FOCAD: variants seen among roughly 807,000 people sequenced by gnomAD.
The protein encoded by FOCAD is focadhesin.
Under a neutral mutation model 225.6 loss-of-function variants are expected in FOCAD, and 198 were observed. That is an observed-to-expected ratio of 0.88 (90% CI 0.78 to 0.99). The LOEUF (loss-of-function observed/expected upper bound fraction) is 0.99. Ranked by LOEUF, FOCAD falls within the 50% of genes least tolerant of loss-of-function variation. The pLI is 0.00. For synonymous variants in FOCAD, 897 were observed against 755.0 expected, an observed-to-expected ratio of 1.19 and a Z score of -3.08; for missense variants, 2,713 against 2,123.6, an observed-to-expected ratio of 1.28 and a Z score of -5.46.
At chr9:20,944,097 A>T (rs1157633756) in intron 28 of FOCAD, among the ~76,000 whole-genome samples, 2 of 152,252 alleles carry the variant, frequency 1.3e-5, no homozygotes, top group African/African-American at 2.4e-5. Flanking sequence ...TTTAGGAAAG[A>T]AATTCCACTT....
chr9:20,979,132 G>A (rs1046453373), intron 37 of FOCAD, among the ~76,000 whole-genome samples: 1 of 152,174 alleles, frequency 6.6e-6, no homozygotes, highest in Admixed American at 6.5e-5. Context: ...TTTTGATTAG[G>A]TTTCAAACTA....
chr9:20,819,714 G>A, intron 11 of FOCAD, 82 bp from the exon 12 acceptor site: 1 of 646,404 alleles, frequency 1.5e-6, no homozygotes, highest in Non-Finnish European at 2.4e-6. Context: ...TTATTCCTCT[G>A]GAAAAAAAGA....
intron 4 of FOCAD, among the ~76,000 whole-genome samples, chr9:20,732,051 C>G (rs749961776): frequency 1.2e-4 from 18 of 152,264 alleles, no homozygotes; most frequent in Non-Finnish European, 1.0e-4. Context: ...ATCAACCCAT[C>G]ACCTAGGTAT....
rs747145835 is a variant in FOCAD, at chr9:20,764,958, G to C, written c.584G>C (p.Arg195Pro). Residue 195 changes from arginine (R) to proline (P), a missense_variant, in exon 7 of 44, where the codon CGA (arginine) becomes CCA (proline). Transcript: ENST00000338382. The part of the protein sequence containing the change: ...PSQLQEYAKL[R>P]LALLKVLLQP... ...CAGTTACAAGAATATGCTAAACTCC[G>C]ACTAGCCCTGCTGAAAGTCTTACTT... is the stretch of plus-strand genomic sequence containing the variant. 1.2e-6 allele frequency: 2 copies of C among 1,613,990 alleles called. No individual in the cohort carries two copies. The highest frequency in any genetic ancestry group is 8.5e-7 in the Non-Finnish European group (1 of 1,179,984).
chr9:20,840,612 C>G (rs1277132715), intron 15 of FOCAD, among the ~76,000 whole-genome samples: 1 of 139,962 alleles, frequency 7.1e-6, no homozygotes, highest in African/African-American at 2.6e-5. Context: ...TTTTTTAATT[C>G]TTTAACTTTC....
chr9:20,870,633 C>T lies in FOCAD; in HGVS notation c.2190+3621C>T, dbSNP rs144079359. On this transcript the variant is annotated intron_variant, in intron 18 of 43. Transcript: ENST00000338382. ...ACTCTCTTGTGATGCTAGGCAACAG[C>T]ATCAGATCGCAGCTCCCAATCACAC... Among the ~76,000 whole-genome samples the T allele has an allele frequency of 1.8e-3, 267 of 152,304 alleles. 1 individual carries two copies. The highest frequency in any genetic ancestry group is 0.017 in the Middle Eastern group (5 of 294).
intron 25 of FOCAD, among the ~76,000 whole-genome samples, chr9:20,925,022 A>G (rs1834809474): frequency 6.6e-6 from 1 of 152,216 alleles, no homozygotes; most frequent in African/African-American, 2.4e-5. Flanking sequence ...TGTTACTACC[A>G]GTAAACAGAG....
At chr9:20,929,718 A>G in intron 27 of FOCAD, 122 bp downstream of exon 27, 1 of 726,480 alleles carries the variant, frequency 1.4e-6, no homozygotes, top group Admixed American at 2.6e-5. Context: ...AAACTTTCTG[A>G]GATGGGCAAG....
rs149844447 is a variant in FOCAD, at chr9:20,883,608, C to G, written c.2504-1501C>G. ...ATAACAAAAATGATTACCATGATAT[C>G]TCCAGTTGGCTGAAAATTGAACAGT... On this transcript the variant is annotated intron_variant, in intron 20 of 43. Transcript: ENST00000338382. 3.4e-3 allele frequency among the ~76,000 whole-genome samples: 511 copies of G among 152,278 alleles called. 2 individuals are homozygous for G. Among genetic ancestry groups the G allele is most frequent in the African/African-American group, 9.4e-3 (391 of 41,552 alleles).
chr9:20,861,640 T>C (rs374528746), intron 15 of FOCAD, among the ~76,000 whole-genome samples: 2 of 152,242 alleles, frequency 1.3e-5, no homozygotes, highest in African/African-American at 4.8e-5. Context: ...TCATTTATCT[T>C]TGACATTTTT....
At chr9:20,868,401 T>C (rs957693151) in intron 18 of FOCAD, among the ~76,000 whole-genome samples, 3 of 152,140 alleles carry the variant, frequency 2.0e-5, no homozygotes, top group Non-Finnish European at 4.4e-5. Context: ...ATTTAGTCTC[T>C]ACTTTTTAAA....
chr9:20,685,230 A>G (rs1248479904), intron 1 of FOCAD, among the ~76,000 whole-genome samples: 2 of 141,278 alleles, frequency 1.4e-5, no homozygotes, highest in African/African-American at 5.5e-5. Context: ...AGGTTCTAGT[A>G]TCCCTGAAAC....
chr9:20,928,310 A>G (rs7035207), intron 26 of FOCAD, among the ~76,000 whole-genome samples: 144,949 of 152,272 alleles, frequency 0.95, 69,396 homozygotes, highest in East Asian at 1. Context: ...TACCAGCTGG[A>G]TCATTTTGAG....
intron 2 of FOCAD, among the ~76,000 whole-genome samples, chr9:20,672,169 A>G (rs1241053388): frequency 6.6e-6 from 1 of 152,196 alleles, no homozygotes; most frequent in Non-Finnish European, 1.5e-5. Context: ...GACTGTTCCA[A>G]AGGTCCTGCT....
In FOCAD at chr9:20,906,612, A is replaced by C. The variant is rs568958340; in HGVS notation, c.2626-538A>C. Reference sequence around the variant, plus strand: ...TCTCTTGTTTACCCACACTGATTAAAGGCCATTTATCTAGTGGTGTGCACA... The same window carrying C: ...TCTCTTGTTTACCCACACTGATTAACGGCCATTTATCTAGTGGTGTGCACA... On this transcript the variant is annotated intron_variant, in intron 21 of 43. Coordinates refer to ENST00000338382, the MANE Select transcript of FOCAD (RefSeq NM_001375567.1). Among the ~76,000 whole-genome samples the C allele has an allele frequency of 3.9e-5, 6 of 152,172 alleles. No homozygotes were observed. The South Asian group carries it at 1.2e-3, about 32-fold the overall frequency.
At chr9:20,921,236 C>T (rs1834397274) in intron 24 of FOCAD, among the ~76,000 whole-genome samples, 1 of 152,094 alleles carries the variant, frequency 6.6e-6, no homozygotes, top group Non-Finnish European at 1.5e-5. Context: ...TAATGTAATA[C>T]TTTGTCCCTA....
chr9:20,962,375 A>G lies in FOCAD; in HGVS notation c.4132+9310A>G, dbSNP rs139206431. 2.4e-3 allele frequency among the ~76,000 whole-genome samples: 364 copies of G among 151,996 alleles called. 6 individuals carry two copies. Among genetic ancestry groups the G allele is most frequent in the East Asian group, 6.7e-3 (35 of 5,186 alleles). On this transcript the variant is annotated intron_variant, in intron 35 of 43. Coordinates refer to ENST00000338382, the MANE Select transcript of FOCAD (RefSeq NM_001375567.1). ...ATAGTTTTCTAATATTTGTTTATCT[A>G]TAACTTTAAACATACACATATATAA...
chr9:20,787,761 T>A (rs1455966444), intron 10 of FOCAD, among the ~76,000 whole-genome samples: 1 of 150,712 alleles, frequency 6.6e-6, no homozygotes, highest in African/African-American at 2.5e-5. Flanking sequence ...GTCCACATAC[T>A]TTTCTTTGCA....
chr9:20,743,541 C>A (rs536539278), intron 5 of FOCAD, among the ~76,000 whole-genome samples: 1 of 152,234 alleles, frequency 6.6e-6, no homozygotes, highest in East Asian at 1.9e-4. Context: ...GCGGTGGTTT[C>A]CCTTAGCCCC....
Sources: gnomAD v4.1 joint callset for allele counts (sites outside exome capture counted in the v4.1 genomes callset) on GRCh38, gnomAD v4.1.1 for gene constraint, MANE v1.5 for transcripts, NCBI Gene and HGNC (gene_info 2026-07-23, HGNC 2026-07-21) for gene names.